KCNB2: variants seen among roughly 807,000 people sequenced by gnomAD.
KCNB2 encodes the protein potassium voltage-gated channel subfamily B member 2.
In KCNB2, 15 loss-of-function variants were observed where a neutral mutation model predicts 61.5. The ratio of observed to expected loss-of-function variants is 0.24; its 90% CI spans 0.16 to 0.38. The LOEUF is 0.38. KCNB2 is among the 10% of genes least tolerant of loss of function. KCNB2 has a pLI of 1.00. For synonymous variants in KCNB2, 457 were observed against 446.0 expected (o/e 1.02, Z -0.31); for missense variants, 828 against 1,125.2 (o/e 0.74, Z 3.78).
At chr8:72,862,611 G>A (rs938212835) in intron 2 of KCNB2, among the ~76,000 whole-genome samples, 1 of 152,138 alleles carries the variant, frequency 6.6e-6, no homozygotes, top group Non-Finnish European at 1.5e-5. Context: ...TAAAGGACAG[G>A]AGTTTCCAGT....
chr8:72,702,279 G>C (rs149909274), intron 2 of KCNB2, among the ~76,000 whole-genome samples: 11 of 152,160 alleles, frequency 7.2e-5, no homozygotes, highest in Non-Finnish European at 1.6e-4. Context: ...AGCGAACTCA[G>C]TTTCTTCCCT....
intron 2 of KCNB2, among the ~76,000 whole-genome samples, chr8:72,599,246 C>T (rs569170120): frequency 6.6e-6 from 1 of 152,266 alleles, no homozygotes; most frequent in Non-Finnish European, 1.5e-5. Context: ...GCTACCAAAA[C>T]AGAGATATAG....
intron 2 of KCNB2, among the ~76,000 whole-genome samples, chr8:72,641,263 G>A (rs1373576549): frequency 1.3e-5 from 2 of 152,068 alleles, no homozygotes; most frequent in African/African-American, 2.4e-5. Context: ...ACTTGTAGAT[G>A]CATTCATATT....
intron 2 of KCNB2, among the ~76,000 whole-genome samples, chr8:72,669,567 C>A (rs1806530080): frequency 6.6e-6 from 1 of 151,966 alleles, no homozygotes; most frequent in Non-Finnish European, 1.5e-5. Flanking sequence ...TAAAAAAAAC[C>A]CTCTAATTGC....
Position 72,887,633 on chromosome 8 carries a change from T to G in KCNB2, c.580-48302T>G, listed in dbSNP as rs77192768. Among the ~76,000 whole-genome samples the G allele has an allele frequency of 3.9e-3, 594 of 152,324 alleles. 6 individuals are homozygous for G. Among genetic ancestry groups the G allele is most frequent in the African/African-American group, 0.013 (561 of 41,584 alleles). On this transcript the variant is annotated intron_variant, in intron 2 of 2. Coordinates refer to ENST00000523207, the MANE Select transcript of KCNB2 (RefSeq NM_004770.3). Reference sequence around the variant, plus strand: ...TACAGTTTCTCAGGAGAAGGCTTCCTTCCAAGGCAAACTCTTGTTCCCAGA... The same window carrying G: ...TACAGTTTCTCAGGAGAAGGCTTCCGTCCAAGGCAAACTCTTGTTCCCAGA...
intron 2 of KCNB2, among the ~76,000 whole-genome samples, chr8:72,859,834 C>A (rs1170710932): frequency 1.3e-5 from 2 of 148,306 alleles, no homozygotes; most frequent in Non-Finnish European, 3.0e-5. Flanking sequence ...ATTCTCCTGC[C>A]TCATCCTCCA....
chr8:72,686,212 A>C (rs186378960), intron 2 of KCNB2, among the ~76,000 whole-genome samples: 1 of 152,168 alleles, frequency 6.6e-6, no homozygotes, highest in East Asian at 1.9e-4. Flanking sequence ...CTTTTTACAC[A>C]GAAAGACATA....
At chr8:72,822,156 G>A (rs1809523174) in intron 2 of KCNB2, among the ~76,000 whole-genome samples, 1 of 152,248 alleles carries the variant, frequency 6.6e-6, no homozygotes, top group Non-Finnish European at 1.5e-5. Flanking sequence ...CTTTCTTCAG[G>A]AATTAGCTGT....
intron 2 of KCNB2, among the ~76,000 whole-genome samples, chr8:72,923,973 G>A (rs913402674): frequency 3.9e-5 from 6 of 152,068 alleles, no homozygotes; most frequent in South Asian, 2.1e-4. Flanking sequence ...TTCTGTAAAC[G>A]TAATTGTCAT....
At chr8:72,627,729 A>T (rs920529006) in intron 2 of KCNB2, among the ~76,000 whole-genome samples, 3 of 152,184 alleles carry the variant, frequency 2.0e-5, no homozygotes, top group African/African-American at 7.2e-5. Context: ...CTGGTGTTAG[A>T]ACTTTCCTTC....
intron 2 of KCNB2, among the ~76,000 whole-genome samples, chr8:72,935,693 C>A (rs1806887009): frequency 6.6e-6 from 1 of 152,132 alleles, no homozygotes; most frequent in Non-Finnish European, 1.5e-5. Context: ...ATGTTGGATG[C>A]CCATACATGT....
intron 2 of KCNB2, among the ~76,000 whole-genome samples, chr8:72,749,630 G>A (rs940229063): frequency 3.3e-4 from 49 of 150,342 alleles, no homozygotes; most frequent in African/African-American, 1.1e-3. Context: ...AGACAAGAGA[G>A]GTAACATTTT....
intron 2 of KCNB2, among the ~76,000 whole-genome samples, chr8:72,739,784 C>T (rs1807917262): frequency 6.6e-6 from 1 of 152,090 alleles, no homozygotes; most frequent in Admixed American, 6.6e-5. Flanking sequence ...AGAAAGGGTA[C>T]TCAATCATCA....
chr8:72,886,052 T>G (rs1176604618), intron 2 of KCNB2, among the ~76,000 whole-genome samples: 1 of 152,240 alleles, frequency 6.6e-6, no homozygotes, highest in Non-Finnish European at 1.5e-5. Flanking sequence ...TCCCATAAAT[T>G]ATCTTTCCCT....
At chr8:72,935,802 A>T (rs544082577) in intron 2 of KCNB2, 133 bp from the exon 3 acceptor site, 2 of 706,508 alleles carry the variant, frequency 2.8e-6, no homozygotes, top group Admixed American at 2.3e-5. Flanking sequence ...TTAAGTTGTA[A>T]AATTACCTTC....
intron 2 of KCNB2, among the ~76,000 whole-genome samples, chr8:72,637,151 T>TAA (rs1805979082): frequency 6.6e-6 from 1 of 152,178 alleles, no homozygotes. Flanking sequence ...GTCTTACGCC[T>TAA]CTGACTCAGT....
In KCNB2 at chr8:72,742,869, G is replaced by C. The variant is rs555978483; in HGVS notation, c.579+174556G>C. ...AAATTCTTCTTTCAGACTTGGCTCT[G>C]TATTTTTAAAAAATGATAGCTACAC... On this transcript the variant is annotated intron_variant, in intron 2 of 2. Coordinates refer to ENST00000523207, the MANE Select transcript of KCNB2 (RefSeq NM_004770.3). Among the ~76,000 whole-genome samples, 10 of 152,248 alleles carry C rather than the reference G, an allele frequency of 6.6e-5. No homozygotes were observed. In the South Asian group the frequency reaches 1.9e-3, roughly 28 times the overall value.
chr8:72,826,303 C>T (rs73686532), intron 2 of KCNB2, among the ~76,000 whole-genome samples: 4,575 of 152,224 alleles, frequency 0.03, 234 homozygotes, highest in African/African-American at 0.1. Context: ...ACAGTCTTCC[C>T]GTAGGATCCC....
At chr8:72,745,777 G>A (rs540883413) in intron 2 of KCNB2, among the ~76,000 whole-genome samples, 1 of 152,158 alleles carries the variant, frequency 6.6e-6, no homozygotes, top group South Asian at 2.1e-4. Flanking sequence ...ATATCACCTG[G>A]CTTGGAGCTC....
Sources: allele counts gnomAD v4.1 joint callset (sites outside exome capture counted in the v4.1 genomes callset), GRCh38; gene constraint gnomAD v4.1.1; transcripts MANE v1.5; gene names NCBI Gene and HGNC (gene_info 2026-07-23, HGNC 2026-07-21).